SYNE1: variants seen among roughly 807,000 people sequenced by gnomAD.
SYNE1 encodes spectrin repeat containing nuclear envelope protein 1.
A neutral mutation model predicts 1,111.0 loss-of-function variants in SYNE1; 616 were observed. The observed-to-expected ratio is 0.55, with a 90% confidence interval of 0.52 to 0.59. The LOEUF is 0.59. Among genes scored for constraint, SYNE1 ranks in the 20% least tolerant of loss-of-function variants. The pLI is 0.00. For synonymous variants in SYNE1, 3,855 were observed against 3,825.8 expected (o/e 1.01, Z -0.28); for missense variants, 10,006 against 10,417.0 (o/e 0.96, Z 1.72).
chr6:152,311,864 C>T (rs551118204), intron 87 of SYNE1, among the ~76,000 whole-genome samples: 2 of 152,194 alleles, frequency 1.3e-5, no homozygotes, highest in African/African-American at 4.8e-5. Flanking sequence ...CAAGCTCCGC[C>T]TCCCGGGTTC....
At chr6:152,411,895 G>A (rs1423919467) in intron 42 of SYNE1, among the ~76,000 whole-genome samples, 1 of 152,166 alleles carries the variant, frequency 6.6e-6, no homozygotes, top group Non-Finnish European at 1.5e-5. Context: ...TCGAAAAATA[G>A]TTTGGCAGGT....
chr6:152,283,906 C>A, intron 96 of SYNE1, 72 bp downstream of exon 96: 1 of 1,232,418 alleles, frequency 8.1e-7, no homozygotes, highest in Non-Finnish European at 1.2e-6. Context: ...ACGTAAGTAA[C>A]CCACATACTT....
intron 104 of SYNE1, among the ~76,000 whole-genome samples, chr6:152,254,112 G>A (rs1004839181): frequency 5.9e-5 from 9 of 151,688 alleles, no homozygotes; most frequent in Non-Finnish European, 1.2e-4. Context: ...CAGTAAGTCT[G>A]AGGAGTTAGG....
chr6:152,550,125 T>G (rs1042820748), intron 3 of SYNE1, among the ~76,000 whole-genome samples: 1 of 152,188 alleles, frequency 6.6e-6, no homozygotes, highest in Non-Finnish European at 1.5e-5. Flanking sequence ...TATATCTATT[T>G]GAAAAGTGAC....
At chr6:152,408,493 G>T (rs555754243) in intron 44 of SYNE1, among the ~76,000 whole-genome samples, 1 of 152,220 alleles carries the variant, frequency 6.6e-6, no homozygotes, top group East Asian at 1.9e-4. Context: ...GTTTGGGAAA[G>T]AAAAACATTC....
intron 59 of SYNE1, among the ~76,000 whole-genome samples, 194 bp downstream of exon 59, chr6:152,372,843 T>G (rs771439972): frequency 6.6e-5 from 10 of 152,200 alleles, no homozygotes; most frequent in Non-Finnish European, 1.3e-4. Context: ...AGGAAGCTAC[T>G]TAATTCTTCA....
At chr6:152,564,318 T>C (rs540864106) in intron 3 of SYNE1, among the ~76,000 whole-genome samples, 1 of 152,264 alleles carries the variant, frequency 6.6e-6, no homozygotes, top group East Asian at 1.9e-4. Context: ...TTGTTTGTTG[T>C]GGTTTGGTTT....
In SYNE1 at chr6:152,595,765, A is replaced by G. The variant is rs185698628; in HGVS notation, c.67+32500T>C. Among the ~76,000 whole-genome samples, 13 of 152,252 alleles carry G rather than the reference A, an allele frequency of 8.5e-5. No individual in the cohort carries two copies. The East Asian group carries it at 2.5e-3, about 29-fold the overall frequency. On this transcript the variant is annotated intron_variant, in intron 3 of 145. Transcript: ENST00000367255. ...AACTTTACAGCAGCAGCCAATCTAG[A>G]GTTTAGGCTCTGACAAAGCAGTAAA...
Position 152,369,634 on chromosome 6 carries a change from G to A in SYNE1, c.9508-20C>T. The A allele has an allele frequency of 6.2e-7, 1 of 1,613,906 alleles. No homozygotes were observed. The highest frequency in any genetic ancestry group is 8.5e-7 in the Non-Finnish European group (1 of 1,179,922). On this transcript the variant is annotated intron_variant, in intron 59 of 145. Transcript: ENST00000367255. ...TAGATTCTGCAAGGTTTTAGATAGTGTCCAGGACAAGAAAATATTTTAATA... is the reference window on the plus strand; with the variant it reads ...TAGATTCTGCAAGGTTTTAGATAGTATCCAGGACAAGAAAATATTTTAATA...
Position 152,330,214 on chromosome 6 carries a change from C to A in SYNE1, c.14471G>T (p.Ser4824Ile). The A allele has an allele frequency of 6.2e-7, 1 of 1,614,178 alleles. No homozygotes were observed. Among genetic ancestry groups the A allele is most frequent in the Non-Finnish European group, 8.5e-7 (1 of 1,180,032 alleles). Residue 4824 changes from serine to isoleucine, a missense_variant, in exon 78 of 146, where the codon AGT becomes ATT. Physicochemically the swap from Ser to Ile is moderately radical, Grantham distance 142 (BLOSUM62 -2). Coordinates refer to ENST00000367255, the MANE Select transcript of SYNE1 (RefSeq NM_182961.4). ...KLKMYHSLAG[S>I]LQDSGIVLKR... Reference sequence around the variant, plus strand: ...CAGTACAATCCCTGAGTCCTGGAGACTTCCTGCCAGGGAGTGATACATTTT... The same window carrying A: ...CAGTACAATCCCTGAGTCCTGGAGAATTCCTGCCAGGGAGTGATACATTTT...
chr6:152,368,629 CA>C (rs1179031157), intron 61 of SYNE1: 23 of 242,706 alleles, frequency 9.5e-5, no homozygotes, highest in South Asian at 1.3e-4. Flanking sequence ...TTATTTAGAA[CA>C]AAAAAAATCA....
In SYNE1 at chr6:152,505,241, G is replaced by A. The variant is rs370211240; in HGVS notation, c.738C>T (p.Ala246=). The change falls in exon 9 of 146, where the codon GCC becomes GCT. Residue 246 remains alanine (A), a synonymous_variant. Transcript: ENST00000367255. The stretch of plus-strand genomic sequence containing the variant: ...GTCTTGGGATCCCCAGTTCTGTTTC[G>A]GCGATAGTGAAAGCATCCTCCAAAT... ...RENLEDAFTI[A]ETELGIPRLL... is the part of the protein sequence containing the mutation. 1.9e-5 allele frequency: 30 copies of A among 1,613,754 alleles called. No homozygotes were observed. The highest frequency in any genetic ancestry group is 1.6e-4 in the Middle Eastern group (1 of 6,084).
intron 105 of SYNE1, among the ~76,000 whole-genome samples, chr6:152,247,643 C>G (rs890441891): frequency 6.7e-6 from 1 of 150,138 alleles, no homozygotes; most frequent in Non-Finnish European, 1.5e-5. Flanking sequence ...GATGGGAGAA[C>G]TGCTTGAGCC....
chr6:152,330,066 A>C lies in SYNE1; in HGVS notation c.14619T>G (p.Gly4873=), dbSNP rs1355049690. Residue 4873 remains glycine, a synonymous_variant, in exon 78 of 146, where the codon GGT becomes GGG. Transcript: ENST00000367255. ...GELKLLTSAI[G]ETVTECESRM... ...GGCTCTCACATTCTGTCACCGTCTC[A>C]CCAATGGCAGAAGTCAACAGTTTTA... 4 of 1,613,970 alleles carry C rather than the reference A, an allele frequency of 2.5e-6. No homozygotes were observed. The Admixed American group carries it at 6.7e-5, about 27-fold the overall frequency.
Position 152,316,999 on chromosome 6 carries a change from T to A in SYNE1, c.16573-13A>T. The A allele has an allele frequency of 1.2e-6, 2 of 1,613,582 alleles. No individual in the cohort carries two copies. On this transcript the variant is annotated splice_polypyrimidine_tract_variant and intron_variant, in intron 86 of 145. Coordinates refer to ENST00000367255, the MANE Select transcript of SYNE1 (RefSeq NM_182961.4). ...AATGTGATGCTGCCTGAAAAACCAG[T>A]AACATTAATGTAACAAATGTAAACT... is the stretch of plus-strand genomic sequence containing the variant.
chr6:152,179,072 C>A (rs938203361), intron 129 of SYNE1, among the ~76,000 whole-genome samples: 1 of 151,982 alleles, frequency 6.6e-6, no homozygotes, highest in Admixed American at 6.6e-5. Context: ...TGCCACCATG[C>A]CTGGCTAATA....
chr6:152,155,050 G>A lies in SYNE1; in HGVS notation c.23979-8C>T, dbSNP rs369328982. The A allele has an allele frequency of 8.7e-6, 14 of 1,613,876 alleles. No individual in the cohort carries two copies. Among genetic ancestry groups the A allele is most frequent in the African/African-American group, 2.7e-5 (2 of 74,878 alleles). ...CGCCACGTCTCTTCGATTCTGGGGCGGAAAATGAAAGAACAGATTCAGATT... is the reference window on the plus strand; with the variant it reads ...CGCCACGTCTCTTCGATTCTGGGGCAGAAAATGAAAGAACAGATTCAGATT... On this transcript the variant is annotated splice_region_variant and splice_polypyrimidine_tract_variant and intron_variant, in intron 132 of 145. Transcript: ENST00000367255.
intron 98 of SYNE1, chr6:152,277,847 C>T (rs2093756170): frequency 7.1e-6 from 4 of 561,138 alleles, no homozygotes; most frequent in Non-Finnish European, 1.3e-5. Context: ...TGTCAGAGTG[C>T]TTTTTGCCTC....
chr6:152,177,128 A>G (rs1361575990), intron 129 of SYNE1, among the ~76,000 whole-genome samples: 1 of 152,228 alleles, frequency 6.6e-6, no homozygotes, highest in Non-Finnish European at 1.5e-5. Context: ...AAATAAATCA[A>G]TGATAAATTA....
Sources: allele counts gnomAD v4.1 joint callset (sites outside exome capture counted in the v4.1 genomes callset), GRCh38; gene constraint gnomAD v4.1.1; transcripts MANE v1.5; gene names NCBI Gene and HGNC (gene_info 2026-07-23, HGNC 2026-07-21).